Variants in UGT2A2 observed in about 807,000 individuals in gnomAD.
UGT2A2 encodes UDP glucuronosyltransferase family 2 member A2, also known as UDP-glucuronosyltransferase 2A2.
Under a neutral mutation model 50.7 loss-of-function variants are expected in UGT2A2, and 60 were observed. The observed-to-expected ratio is 1.18, with a 90% CI of 0.96 to 1.47. The LOEUF (loss-of-function observed/expected upper bound fraction) is 1.47. Ranked by LOEUF, UGT2A2 falls within the 40% of genes most tolerant of loss-of-function variation. The pLI is 0.00. For missense variants in UGT2A2, 762 were observed against 634.0 expected (o/e 1.20, Z -2.17); for synonymous variants, 242 against 214.6 (o/e 1.13, Z -1.11).
Position 69,595,146 on chromosome 4 carries a change from T to G in UGT2A2, c.1111+16A>C, listed in dbSNP as rs1367724279. 1 of 1,613,752 alleles carries G rather than the reference T, an allele frequency of 6.2e-7. No homozygotes were observed. On this transcript the variant is annotated intron_variant, in intron 4 of 5. Transcript: ENST00000604629. ...TATTGTCCCACTGTACAGCTTTTCT[T>G]TCCCCACAGTCTTACCAAGAAGATC...
chr4:69,594,751 T>G, intron 4 of UGT2A2, 55 bp from the exon 5 acceptor site: 2 of 1,559,990 alleles, frequency 1.3e-6, no homozygotes, highest in Non-Finnish European at 1.7e-6. Flanking sequence ...ATTAGCAGAA[T>G]TTGAGAGACA....
intron 1 of UGT2A2, among the ~76,000 whole-genome samples, chr4:69,610,574 A>C (rs567847521): frequency 6.6e-6 from 1 of 152,308 alleles, no homozygotes; most frequent in South Asian, 2.1e-4. Flanking sequence ...TACTCCCCTA[A>C]AATTTGTATA....
intron 5 of UGT2A2, among the ~76,000 whole-genome samples, chr4:69,593,031 A>G (rs912094564): frequency 1.3e-5 from 2 of 152,164 alleles, no homozygotes; most frequent in Non-Finnish European, 2.9e-5. Context: ...ATATAGCACA[A>G]TTTAAACTGG....
At chr4:69,631,393 A>T (rs192267271) in intron 1 of UGT2A2, among the ~76,000 whole-genome samples, 51 of 152,246 alleles carry the variant, frequency 3.3e-4, no homozygotes, top group African/African-American at 1.2e-3. Context: ...TAATAATCCA[A>T]ATGTTTAGAA....
chr4:69,634,090 A>G (rs1263139726), intron 1 of UGT2A2, among the ~76,000 whole-genome samples: 1 of 151,976 alleles, frequency 6.6e-6, no homozygotes, highest in African/African-American at 2.4e-5. Flanking sequence ...CTAAAAATAC[A>G]AAAAATTAGC....
chr4:69,597,244 G>A (rs948959835), intron 2 of UGT2A2, among the ~76,000 whole-genome samples: 6 of 152,234 alleles, frequency 3.9e-5, no homozygotes, highest in African/African-American at 1.4e-4. Flanking sequence ...GGATAACAAA[G>A]TGCATCTCCA....
At chr4:69,627,548 A>AAAG (rs1721147175) in intron 1 of UGT2A2, among the ~76,000 whole-genome samples, 85 of 62,642 alleles carry the variant, frequency 1.4e-3, no homozygotes, top group African/African-American at 4.1e-3. Flanking sequence ...GAGAGAGAGA[A>AAAG]AGAGAGAGAG....
rs915674665 is a variant in UGT2A2 at position 69,618,257 on chromosome 4, G to A, written c.743-18863C>T. ...TGTGTGTATGTGTGTGTTGAAGGGG[G>A]AAGAATGTATTACATTTGGTAAGTC... On this transcript the variant is annotated intron_variant, in intron 1 of 5. Transcript: ENST00000604629. 9.3e-5 allele frequency among the ~76,000 whole-genome samples: 14 copies of A among 150,130 alleles called. No homozygotes were observed. The South Asian group carries it at 2.9e-3, about 32-fold the overall frequency.
rs76144274 is a variant in UGT2A2 at position 69,612,498 on chromosome 4, G to T, written c.743-13104C>A. 1.2e-4 allele frequency among the ~76,000 whole-genome samples: 18 copies of T among 151,856 alleles called. No individual in the cohort carries two copies. In the East Asian group the frequency reaches 3.5e-3, roughly 29 times the overall value. On this transcript the variant is annotated intron_variant, in intron 1 of 5. Coordinates refer to ENST00000604629, the MANE Select transcript of UGT2A2 (RefSeq NM_001105677.2). ...CCCAACTTCAAACTATAAGACTACA[G>T]TAATTTAAAAAGCATGGTACCAGTT...
rs1222199630 is a variant in UGT2A2, at chr4:69,605,911, T to G, written c.743-6517A>C. 1.5e-5 allele frequency among the ~76,000 whole-genome samples: 2 copies of G among 136,824 alleles called. 1 individual carries two copies. Among genetic ancestry groups the G allele is most frequent in the Non-Finnish European group, 3.1e-5 (2 of 64,316 alleles). 89.8% of individuals were successfully genotyped at this position (136,824 alleles called of 152,430 possible). ...CTCTGAATAGACCAATAACAGGCTC[T>G]GAAATTGAGGCAATAATTAATAGCT... On this transcript the variant is annotated intron_variant, in intron 1 of 5. Coordinates refer to ENST00000604629, the MANE Select transcript of UGT2A2 (RefSeq NM_001105677.2).
chr4:69,636,243 CAT>C (rs1266737663), intron 1 of UGT2A2, among the ~76,000 whole-genome samples: 1 of 152,134 alleles, frequency 6.6e-6, no homozygotes, highest in Non-Finnish European at 1.5e-5. Context: ...AAAAATTTGA[CAT>C]GTTGTTAGCT....
At chr4:69,633,253 C>A (rs1036246012) in intron 1 of UGT2A2, among the ~76,000 whole-genome samples, 4 of 151,902 alleles carry the variant, frequency 2.6e-5, no homozygotes, top group African/African-American at 9.7e-5. Context: ...AAAAATTATA[C>A]CTTAATAAAA....
rs1720268851 is a variant in UGT2A2 at position 69,614,696 on chromosome 4, G to C, written c.743-15302C>G. Among the ~76,000 whole-genome samples, 7 of 152,090 alleles carry C rather than the reference G, an allele frequency of 4.6e-5. No individual in the cohort carries two copies. In the South Asian group the frequency reaches 1.5e-3, roughly 32 times the overall value. The stretch of plus-strand genomic sequence containing the variant: ...CTACAGTAAACTACCTTTCAACAAA[G>C]CTGCCAAATACATACATTGGGAAAG... On this transcript the variant is annotated intron_variant, in intron 1 of 5. Coordinates refer to ENST00000604629, the MANE Select transcript of UGT2A2 (RefSeq NM_001105677.2).
chr4:69,611,205 G>T (rs901026365), intron 1 of UGT2A2, among the ~76,000 whole-genome samples: 1 of 151,358 alleles, frequency 6.6e-6, no homozygotes, highest in Non-Finnish European at 1.5e-5. Context: ...GAGTGCAGTG[G>T]CACCAACACA....
intron 1 of UGT2A2, among the ~76,000 whole-genome samples, chr4:69,628,602 A>G (rs1232522857): frequency 2.0e-5 from 3 of 151,452 alleles, no homozygotes; most frequent in African/African-American, 7.3e-5. Flanking sequence ...AAATTTGATG[A>G]AAAAAATTCT....
chr4:69,639,054 G>T lies in UGT2A2; in HGVS notation c.587C>A (p.Pro196Gln). The change falls in exon 1 of 6, where the codon CCA becomes CAA. Residue 196 changes from proline to glutamine, a missense_variant. Physicochemically the swap from Pro to Gln is moderately conservative, Grantham distance 76 (BLOSUM62 -1). Coordinates refer to ENST00000604629, the MANE Select transcript of UGT2A2 (RefSeq NM_001105677.2). The stretch of plus-strand genomic sequence containing the variant: ...TGCCGGTACATAGGAGACTGGTGCT[G>T]GGATTTTCCCACAGTGTCTCTCCAC... ...STVERHCGKI[P>Q]APVSYVPAAL... is the part of the protein sequence containing the mutation. 1 of 1,613,404 alleles carries T rather than the reference G, an allele frequency of 6.2e-7. No individual in the cohort carries two copies. The highest frequency in any genetic ancestry group is 8.5e-7 in the Non-Finnish European group (1 of 1,179,636).
In UGT2A2 at chr4:69,638,861, G is replaced by A. The variant is rs779868741; in HGVS notation, c.742+38C>T. The stretch of plus-strand genomic sequence containing the variant: ...CATATGACAATAAGAATAAATAAGG[G>A]ATGTGGAGTCATTAAAAAGAGAAAA... On this transcript the variant is annotated intron_variant, in intron 1 of 5. Coordinates refer to ENST00000604629, the MANE Select transcript of UGT2A2 (RefSeq NM_001105677.2). The A allele has an allele frequency of 3.1e-5, 46 of 1,503,850 alleles. 1 individual carries two copies. The South Asian group carries it at 6.3e-4, about 21-fold the overall frequency. The allele number at this position is 1,503,850 out of a possible 1,614,324, so 93.2% of individuals were successfully genotyped here.
In UGT2A2 at chr4:69,639,180, T is replaced by A. The variant is rs1044024954; in HGVS notation, c.461A>T (p.Asp154Val). The change falls in exon 1 of 6, where the codon GAT becomes GTT. Residue 154 changes from aspartate to valine, a missense_variant. By Grantham distance (152) the Asp-to-Val change is radical. Transcript: ENST00000604629. ...LMARLQKGGF[D>V]VLVADPVTIC... ...TGTTACTGGGTCTGCTACCAACACA[T>A]CAAAACCACCTTTCTGAAGTCTTGC... is the stretch of plus-strand genomic sequence containing the variant. The A allele has an allele frequency of 6.2e-7, 1 of 1,613,556 alleles. No homozygotes were observed. The highest frequency in any genetic ancestry group is 1.3e-5 in the African/African-American group (1 of 74,870).
intron 1 of UGT2A2, among the ~76,000 whole-genome samples, chr4:69,627,534 AAGAGAGAGAGAGAAAGAGAG>A (rs1294848147): frequency 7.2e-6 from 1 of 139,470 alleles, no homozygotes. Context: ...GAAAGAAAGA[AAGAGAGAGAGAGAAAGAGAG>A]AGAGAGAGAG....
Sources: allele counts gnomAD v4.1 joint callset (sites outside exome capture counted in the v4.1 genomes callset), GRCh38; gene constraint gnomAD v4.1.1; transcripts MANE v1.5; gene names NCBI Gene and HGNC (gene_info 2026-07-23, HGNC 2026-07-21).